Variants in EVX1 observed in about 807,000 individuals in gnomAD.
EVX1 encodes homeobox even-skipped homolog protein 1.
A neutral mutation model predicts 28.6 loss-of-function variants in EVX1; 19 were observed. The ratio of observed to expected loss-of-function variants is 0.67; its 90% confidence interval spans 0.46 to 0.98. The LOEUF (loss-of-function observed/expected upper bound fraction) is 0.98. Ranked by LOEUF, EVX1 falls within the 50% of genes least tolerant of loss-of-function variation. The probability of loss-of-function intolerance (pLI) is 0.00; values close to 1 mark genes in which losing one functional copy is unlikely to be tolerated. For synonymous variants in EVX1, 324 were observed against 278.2 expected, an observed-to-expected ratio of 1.16 and a Z score of -1.64; for missense variants, 660 against 583.0, an observed-to-expected ratio of 1.13 and a Z score of -1.36.
At chr7:27,245,698 C>G (rs1783152784) in intron 2 of EVX1, among the ~76,000 whole-genome samples, 188 bp from the exon 3 acceptor site, 1 of 152,154 alleles carries the variant, frequency 6.6e-6, no homozygotes, top group African/African-American at 2.4e-5. Flanking sequence ...GGGCTGGAGT[C>G]ACTCCCCAAA....
In EVX1 at chr7:27,245,993, G is replaced by C. The variant is rs1171594027; in HGVS notation, c.792G>C (p.Ala264=). The C allele has an allele frequency of 1.2e-6, 2 of 1,602,062 alleles. No homozygotes were observed. Among genetic ancestry groups the C allele is most frequent in the Admixed American group, 1.7e-5 (1 of 59,986 alleles). The change falls in exon 3 of 3, where the codon GCG becomes GCC. Residue 264 remains alanine (A), a synonymous_variant. Transcript: ENST00000496902. ...AFYTYMMSHA[A]AAGGLPYPFP... Reference sequence around the variant, plus strand: ...ACACTTACATGATGAGCCATGCGGCGGCCGCGGGCGGCCTGCCCTACCCCT... The same window carrying C: ...ACACTTACATGATGAGCCATGCGGCCGCCGCGGGCGGCCTGCCCTACCCCT...
chr7:27,244,407 C>A, intron 1 of EVX1: 1 of 795,486 alleles, frequency 1.3e-6, no homozygotes, highest in Non-Finnish European at 1.5e-6. Context: ...GTCTTGGCAG[C>A]CAACGCCTTG....
intron 1 of EVX1, 106 bp from the exon 2 acceptor site, chr7:27,244,942 G>A: frequency 1.3e-6 from 2 of 1,491,640 alleles, no homozygotes; most frequent in South Asian, 1.3e-5. Flanking sequence ...TGGCTGACAG[G>A]GTGTCCCTTC....
At chr7:27,245,617 C>G (rs915144778) in intron 2 of EVX1, among the ~76,000 whole-genome samples, 4 of 152,326 alleles carry the variant, frequency 2.6e-5, no homozygotes, top group Admixed American at 2.0e-4. Context: ...CCTTTCACTG[C>G]TCCTCCCATA....
At chr7:27,244,371 G>GT (rs1783112166) in intron 1 of EVX1, 1 of 341,754 alleles carries the variant, frequency 2.9e-6, no homozygotes, top group Non-Finnish European at 4.1e-6. Context: ...GAGCCTGGGG[G>GT]CGGGGGGGAG....
chr7:27,244,298 G>T (rs546499506), intron 1 of EVX1, among the ~76,000 whole-genome samples: 6 of 152,094 alleles, frequency 3.9e-5, no homozygotes, highest in Non-Finnish European at 8.8e-5. Context: ...GGGTTGGTGG[G>T]GGGGAGGAGA....
Position 27,246,576 on chromosome 7 carries a change from C to A in EVX1, c.*151C>A. On this transcript the variant is annotated 3_prime_UTR_variant, in exon 3 of 3. Transcript: ENST00000496902. ...GCGGAAAAGGACCAGCGGGATCCGG[C>A]CGCAAGAATTGGAAAGCCTAGGAAG... 1.2e-6 allele frequency: 1 copy of A among 837,812 alleles called. No homozygotes were observed. The highest frequency in any genetic ancestry group is 1.8e-5 in the African/African-American group (1 of 55,442). The allele number at this position is 837,812 out of a possible 1,614,324, so 51.9% of individuals were successfully genotyped here.
rs777331044 is a variant in EVX1, at chr7:27,243,129, C to T, written c.99C>T (p.Ser33=). 3.7e-6 allele frequency: 6 copies of T among 1,609,344 alleles called. No individual in the cohort carries two copies. In the South Asian group the frequency reaches 6.7e-5, roughly 18 times the overall value. The change falls in exon 1 of 3, where the codon AGC becomes AGT. Residue 33 remains serine (S), a synonymous_variant. Coordinates refer to ENST00000496902, the MANE Select transcript of EVX1 (RefSeq NM_001989.5). ...CAAATTTGTCCGAAGCCGTGGGCAG[C>T]CCGCTGCCGGAGCCGCCCGAGAAAA... ...RVSNLSEAVG[S]PLPEPPEKMV... is the part of the protein sequence containing the mutation.
chr7:27,244,904 A>G, intron 1 of EVX1, 144 bp from the exon 2 acceptor site: 1 of 1,315,182 alleles, frequency 7.6e-7, no homozygotes, highest in Non-Finnish European at 1.0e-6. Context: ...CAGAGGCCGC[A>G]GTACCCTAGC....
intron 1 of EVX1, among the ~76,000 whole-genome samples, chr7:27,244,143 C>G (rs1224092317): frequency 6.6e-6 from 1 of 152,238 alleles, no homozygotes; most frequent in Non-Finnish European, 1.5e-5. Context: ...CCCCACCCTT[C>G]TCAGAGGTAG....
Position 27,246,625 on chromosome 7 carries a change from G to A in EVX1, c.*200G>A. 1.6e-6 allele frequency: 1 copy of A among 606,826 alleles called. No homozygotes were observed. The highest frequency in any genetic ancestry group is 2.8e-6 in the Non-Finnish European group (1 of 361,030). The allele number at this position is 606,826 out of a possible 1,614,324, so 37.6% of individuals were successfully genotyped here. On this transcript the variant is annotated 3_prime_UTR_variant, in exon 3 of 3. Coordinates refer to ENST00000496902, the MANE Select transcript of EVX1 (RefSeq NM_001989.5). The stretch of plus-strand genomic sequence containing the variant: ...AGTGGCGGTGGCTGGCGCGTTTGGG[G>A]AGCAGGAGTGGGGATAGGGAAGCAG...
rs1426800636 is a variant in EVX1 at position 27,246,234 on chromosome 7, G to C, written c.1033G>C (p.Gly345Arg). The C allele has an allele frequency of 6.6e-7, 1 of 1,520,464 alleles. No homozygotes were observed. The highest frequency in any genetic ancestry group is 8.7e-7 in the Non-Finnish European group (1 of 1,143,016). 94.2% of individuals were successfully genotyped at this position (1,520,464 alleles called of 1,614,324 possible). ...GCACGGACTGGGCGCCTCTGCCGGCGGCCCCTGCTCCTGCCTCGCCTGTCA... is the reference window on the plus strand; with the variant it reads ...GCACGGACTGGGCGCCTCTGCCGGCCGCCCCTGCTCCTGCCTCGCCTGTCA... ...PAHGLGASAG[G>R]PCSCLACHSG... Residue 345 changes from glycine to arginine, a missense_variant, in exon 3 of 3, where the codon GGC becomes CGC. This residue lies in a region of EVX1 where 299 missense variants were observed against 241.3 expected (regional missense o/e 1.24). Coordinates refer to ENST00000496902, the MANE Select transcript of EVX1 (RefSeq NM_001989.5).
rs773222404 is a variant in EVX1 at position 27,246,072 on chromosome 7, TCCGCCGCCTCCG to T, written c.882_893del (p.Ala295_Ser298del). The T allele has an allele frequency of 1.3e-6, 2 of 1,570,408 alleles. No individual in the cohort carries two copies. Among genetic ancestry groups the T allele is most frequent in the South Asian group, 1.1e-5 (1 of 87,858 alleles). ...CTCGCCGGTGGGCCTGGGCGCCGCA[TCCGCCGCCTCCG>T]CCGCCGCCTCGCCCTTCAGCGGCTC... On this transcript the variant is annotated inframe_deletion, in exon 3 of 3. Transcript: ENST00000496902.
rs1467054207 is a variant in EVX1 at position 27,246,486 on chromosome 7, C to A, written c.*61C>A. On this transcript the variant is annotated 3_prime_UTR_variant, in exon 3 of 3. Coordinates refer to ENST00000496902, the MANE Select transcript of EVX1 (RefSeq NM_001989.5). ...GTGGGGTCACCCCCCGGCCCCGGGA[C>A]TCAGCCAGCCTCGCTCCTCGCTCCT... The A allele has an allele frequency of 1.3e-6, 2 of 1,491,180 alleles. No homozygotes were observed. The highest frequency in any genetic ancestry group is 1.8e-6 in the Non-Finnish European group (2 of 1,111,248). 92.4% of individuals were successfully genotyped at this position (1,491,180 alleles called of 1,614,324 possible). A position where few individuals can be genotyped will look rare whatever the true frequency, so the allele number is the denominator to read the frequency against.
In EVX1 at chr7:27,247,345, C is replaced by T. The variant is rs539714448; in HGVS notation, c.*920C>T. ...CCCCAGAGCTGAGCTGTTAACAAGG[C>T]GCCCAGGGAAGAGCTTAGGGAGTGG... On this transcript the variant is annotated 3_prime_UTR_variant, in exon 3 of 3. Transcript: ENST00000496902. The T allele has an allele frequency of 6.6e-6, 1 of 152,124 alleles. No homozygotes were observed. The highest frequency in any genetic ancestry group is 1.9e-4 in the East Asian group (1 of 5,186). The allele number at this position is 152,124 out of a possible 1,614,324, so 9.4% of individuals were successfully genotyped here. A position where few individuals can be genotyped will look rare whatever the true frequency, so the allele number is the denominator to read the frequency against.
intron 2 of EVX1, 118 bp from the exon 3 acceptor site, chr7:27,245,768 G>A: frequency 7.2e-7 from 1 of 1,384,406 alleles, no homozygotes; most frequent in Non-Finnish European, 9.6e-7. Flanking sequence ...CTACCCGGCT[G>A]GTGTCTGCTT....
chr7:27,243,318 C>T lies in EVX1; in HGVS notation c.288C>T (p.Pro96=), dbSNP rs917153256. Reference sequence around the variant, plus strand: ...GGGCGGCCATGCTCGGCCCAGGACCCCCGGCCCCCTCAGTCGACAGCCTCT... The same window carrying T: ...GGGCGGCCATGCTCGGCCCAGGACCTCCGGCCCCCTCAGTCGACAGCCTCT... ...VAGAAMLGPG[P]PAPSVDSLSG... Residue 96 remains proline, a synonymous_variant, in exon 1 of 3, where the codon CCC becomes CCT. Transcript: ENST00000496902. 8 of 1,581,990 alleles carry T rather than the reference C, an allele frequency of 5.1e-6. No homozygotes were observed. The highest frequency in any genetic ancestry group is 1.4e-5 in the African/African-American group (1 of 73,974).
intron 1 of EVX1, chr7:27,244,379 G>GAA (rs199772870): frequency 2.3e-6 from 1 of 442,978 alleles, no homozygotes; most frequent in African/African-American, 2.3e-5. Flanking sequence ...GGGCGGGGGG[G>GAA]AGAAAGACCA....
chr7:27,246,722 A>T lies in EVX1; in HGVS notation c.*297A>T. 1 of 447,042 alleles carries T rather than the reference A, an allele frequency of 2.2e-6. No homozygotes were observed. Among genetic ancestry groups the T allele is most frequent in the Non-Finnish European group, 3.9e-6 (1 of 253,756 alleles). The allele number at this position is 447,042 out of a possible 1,614,324, so 27.7% of individuals were successfully genotyped here. A position where few individuals can be genotyped will look rare whatever the true frequency, so the allele number is the denominator to read the frequency against. ...CCACCAGGGTCGAGGCTGTAGCTCC[A>T]AAGCTAAACAAAACTTAGCAGCAAC... On this transcript the variant is annotated 3_prime_UTR_variant, in exon 3 of 3. Coordinates refer to ENST00000496902, the MANE Select transcript of EVX1 (RefSeq NM_001989.5).
Sources: allele counts gnomAD v4.1 joint callset (sites outside exome capture counted in the v4.1 genomes callset), GRCh38; gene constraint gnomAD v4.1.1; regional missense constraint gnomAD v4.1.1; transcripts MANE v1.5; gene names NCBI Gene and HGNC (gene_info 2026-07-23, HGNC 2026-07-21).